HDAC11: variants seen among roughly 807,000 people sequenced by gnomAD.
HDAC11 encodes histone deacetylase 11.
HDAC11 carries 23 observed loss-of-function variants against 41.1 expected under a neutral mutation model. That is an observed-to-expected ratio of 0.56 (90% CI 0.40 to 0.79). The LOEUF is 0.79. Among genes scored for constraint, HDAC11 ranks in the 30% least tolerant of loss-of-function variants. HDAC11 has a pLI of 0.00. For synonymous variants in HDAC11, 187 were observed against 186.6 expected, an observed-to-expected ratio of 1.00 and a Z score of -0.02; for missense variants, 402 against 477.3, an observed-to-expected ratio of 0.84 and a Z score of 1.47.
intron 3 of HDAC11, 32 bp from the exon 4 acceptor site, chr3:13,496,704 C>A: frequency 6.9e-7 from 1 of 1,450,230 alleles, no homozygotes; most frequent in Non-Finnish European, 9.6e-7. Flanking sequence ...GGTGGGGAAG[C>A]GGAGGCCAAC....
chr3:13,493,220 A>G (rs1701945424), intron 3 of HDAC11, among the ~76,000 whole-genome samples: 1 of 152,118 alleles, frequency 6.6e-6, no homozygotes, highest in African/African-American at 2.4e-5. Context: ...TTGGTCAGAA[A>G]GTGAATCTCC....
At chr3:13,482,609 C>A (rs1391476485) in intron 2 of HDAC11, among the ~76,000 whole-genome samples, 1 of 152,160 alleles carries the variant, frequency 6.6e-6, no homozygotes, top group African/African-American at 2.4e-5. Flanking sequence ...ATAGCAAGAT[C>A]CTGTCTCTAC....
chr3:13,503,624 T>G (rs1702475211), intron 8 of HDAC11, among the ~76,000 whole-genome samples: 1 of 152,214 alleles, frequency 6.6e-6, no homozygotes, highest in South Asian at 2.1e-4. Flanking sequence ...AACTCATCAA[T>G]CAAAAGGCAG....
intron 8 of HDAC11, 35 bp downstream of exon 8, chr3:13,503,015 T>C: frequency 1.3e-6 from 2 of 1,503,184 alleles, no homozygotes; most frequent in East Asian, 4.5e-5. Flanking sequence ...CTTGGGTGTG[T>C]CCTTGTGGAT....
Position 13,504,850 on chromosome 3 carries a change from G to T in HDAC11, c.*167G>T. Reference sequence around the variant, plus strand: ...CTTCCTCTACTTTTCCCTGCTGGAAGCCAGAAGGGCTTGAGGCCTCTATGG... The same window carrying T: ...CTTCCTCTACTTTTCCCTGCTGGAATCCAGAAGGGCTTGAGGCCTCTATGG... On this transcript the variant is annotated 3_prime_UTR_variant, in exon 10 of 10. Coordinates refer to ENST00000295757, the MANE Select transcript of HDAC11 (RefSeq NM_024827.4). The T allele has an allele frequency of 1.5e-6, 1 of 661,512 alleles. No individual in the cohort carries two copies. The highest frequency in any genetic ancestry group is 2.6e-6 in the Non-Finnish European group (1 of 382,316). 41.0% of individuals were successfully genotyped at this position (661,512 alleles called of 1,614,324 possible). A position where few individuals can be genotyped will look rare whatever the true frequency, so the allele number is the denominator to read the frequency against.
At chr3:13,503,080 T>G in intron 8 of HDAC11, 100 bp downstream of exon 8, 1 of 829,906 alleles carries the variant, frequency 1.2e-6, no homozygotes, top group Non-Finnish European at 2.0e-6. Flanking sequence ...GCCACTGCAG[T>G]GGTTCATAGC....
rs902211944 is a variant in HDAC11, at chr3:13,505,851, G to A, written c.*1168G>A. 6.6e-6 allele frequency: 1 copy of A among 152,298 alleles called. No homozygotes were observed. The highest frequency in any genetic ancestry group is 2.4e-5 in the African/African-American group (1 of 41,456). The allele number at this position is 152,298 out of a possible 1,614,324, so 9.4% of individuals were successfully genotyped here. A position where few individuals can be genotyped will look rare whatever the true frequency, so the allele number is the denominator to read the frequency against. ...CAGCCCTACTCATGGGGACATTCAG[G>A]GACCTCCAGGAAGTGGGCGGGGGAG... On this transcript the variant is annotated 3_prime_UTR_variant, in exon 10 of 10. Transcript: ENST00000295757.
intron 4 of HDAC11, among the ~76,000 whole-genome samples, chr3:13,498,257 A>AT (rs1160285634): frequency 2.0e-5 from 3 of 152,156 alleles, no homozygotes; most frequent in Admixed American, 6.5e-5. Context: ...AAGTACTTTT[A>AT]TTTTTTCCAG....
At chr3:13,492,537 G>C (rs985130093) in intron 3 of HDAC11, among the ~76,000 whole-genome samples, 8 of 152,104 alleles carry the variant, frequency 5.3e-5, no homozygotes, top group Non-Finnish European at 8.8e-5. Context: ...GGGGCCCCAG[G>C]TGGGAGTATT....
chr3:13,501,800 C>G lies in HDAC11; in HGVS notation c.490-71C>G, dbSNP rs570330450. ...CCCCTCCCCGCCCCTCGCCAGCCAG[C>G]TGGGAGTTGCTGTAGGGCTGGGTCC... On this transcript the variant is annotated intron_variant, in intron 6 of 9. Coordinates refer to ENST00000295757, the MANE Select transcript of HDAC11 (RefSeq NM_024827.4). 19 of 1,423,040 alleles carry G rather than the reference C, an allele frequency of 1.3e-5. No individual in the cohort carries two copies. In the South Asian group the frequency reaches 2.0e-4, roughly 15 times the overall value. The allele number at this position is 1,423,040 out of a possible 1,614,324, so 88.2% of individuals were successfully genotyped here.
intron 2 of HDAC11, among the ~76,000 whole-genome samples, chr3:13,482,289 TG>T (rs1463037218): frequency 7.2e-5 from 11 of 152,182 alleles, no homozygotes; most frequent in Admixed American, 7.2e-4. Context: ...GTCATCAAAA[TG>T]GGAAAAGGCA....
chr3:13,488,557 A>C (rs745824981), intron 3 of HDAC11, among the ~76,000 whole-genome samples: 1 of 152,258 alleles, frequency 6.6e-6, no homozygotes, highest in Non-Finnish European at 1.5e-5. Flanking sequence ...CACTAAGCAC[A>C]GCGTTTTCAA....
At chr3:13,487,807 G>C (rs2125002171) in intron 3 of HDAC11, among the ~76,000 whole-genome samples, 1 of 152,282 alleles carries the variant, frequency 6.6e-6, no homozygotes, top group Admixed American at 6.5e-5. Flanking sequence ...GCTGGAGCTG[G>C]CATTTAGGTG....
chr3:13,502,100 G>T lies in HDAC11; in HGVS notation c.552+167G>T. The stretch of plus-strand genomic sequence containing the variant: ...GGTCTGTCTTTGTCACTCTGTCCAG[G>T]ACAGCGGGTCCTCCTCATTGCTCCC... On this transcript the variant is annotated intron_variant, in intron 7 of 9. Transcript: ENST00000295757. The surrounding 1 kb of genome is among the most constrained non-coding windows in gnomAD (Gnocchi z 4.1). 1 of 613,388 alleles carries T rather than the reference G, an allele frequency of 1.6e-6. No homozygotes were observed. Among genetic ancestry groups the T allele is most frequent in the Non-Finnish European group, 2.9e-6 (1 of 349,246 alleles). 38.0% of individuals were successfully genotyped at this position (613,388 alleles called of 1,614,324 possible).
At chr3:13,498,399 C>A in intron 4 of HDAC11, 114 bp from the exon 5 acceptor site, 1 of 1,324,172 alleles carries the variant, frequency 7.6e-7, no homozygotes. Flanking sequence ...CTCAGCTCAT[C>A]CTTCCCCCAG....
chr3:13,480,904 C>T lies in HDAC11; in HGVS notation c.3-342C>T. 2 of 411,500 alleles carry T rather than the reference C, an allele frequency of 4.9e-6. No homozygotes were observed. The highest frequency in any genetic ancestry group is 4.8e-6 in the Non-Finnish European group (1 of 207,156). 25.5% of individuals were successfully genotyped at this position (411,500 alleles called of 1,614,324 possible). ...CACACAGCTGTGGGGGCATTTATTACGGTGCAGAGGTGATGCGCGGAGGCC... is the reference window on the plus strand; with the variant it reads ...CACACAGCTGTGGGGGCATTTATTATGGTGCAGAGGTGATGCGCGGAGGCC... On this transcript the variant is annotated intron_variant, in intron 1 of 9. Transcript: ENST00000295757. This position sits in a 1 kb window ranked among gnomAD's most constrained non-coding sequence, Gnocchi z 4.6.
At chr3:13,499,092 G>A (rs1702237301) in intron 5 of HDAC11, among the ~76,000 whole-genome samples, 1 of 152,216 alleles carries the variant, frequency 6.6e-6, no homozygotes, top group South Asian at 2.1e-4. Context: ...AGGGCTGCAC[G>A]GGAGTCTCCC....
intron 3 of HDAC11, among the ~76,000 whole-genome samples, chr3:13,494,204 C>T (rs1198566831): frequency 6.6e-6 from 1 of 152,040 alleles, no homozygotes; most frequent in Non-Finnish European, 1.5e-5. Flanking sequence ...CTCTCGGCTG[C>T]ATTGTCTTCC....
intron 3 of HDAC11, among the ~76,000 whole-genome samples, chr3:13,491,237 A>G (rs1434116587): frequency 1.3e-5 from 2 of 151,854 alleles, no homozygotes; most frequent in African/African-American, 2.4e-5. Flanking sequence ...TTCCAGTACT[A>G]TGTTAAATAG....
Sources: allele counts gnomAD v4.1 joint callset (sites outside exome capture counted in the v4.1 genomes callset), GRCh38; gene constraint gnomAD v4.1.1; non-coding constraint Gnocchi (gnomAD v3.1); transcripts MANE v1.5; gene names NCBI Gene and HGNC (gene_info 2026-07-23, HGNC 2026-07-21).